Variants in CTNNA2 observed in about 807,000 individuals in gnomAD.
CTNNA2 encodes catenin alpha 2, also known as catenin alpha-2.
CTNNA2 carries 42 observed loss-of-function variants against 101.0 expected under a neutral mutation model. The ratio of observed to expected loss-of-function variants is 0.42; its 90% CI spans 0.32 to 0.54. CTNNA2 has a LOEUF of 0.54. CTNNA2 is among the 20% of genes least tolerant of loss of function. The probability of loss-of-function intolerance (pLI) is 0.14; values close to 1 mark genes in which losing one functional copy is unlikely to be tolerated. For synonymous variants in CTNNA2, 450 were observed against 456.4 expected (o/e 0.99, Z 0.18); for missense variants, 871 against 1,223.1 (o/e 0.71, Z 4.29).
intron 7 of CTNNA2, among the ~76,000 whole-genome samples, chr2:80,077,090 A>G (rs553604693): frequency 7.9e-4 from 121 of 152,236 alleles, no homozygotes; most frequent in Non-Finnish European, 1.4e-3. Flanking sequence ...TAACATGACT[A>G]AAGTTAAAAA....
intron 3 of CTNNA2, among the ~76,000 whole-genome samples, chr2:79,366,955 G>T (rs1281051187): frequency 1.3e-5 from 2 of 152,180 alleles, no homozygotes; most frequent in Admixed American, 1.3e-4. Context: ...TCTTGTTATT[G>T]AACAAAAGGT....
intron 4 of CTNNA2, among the ~76,000 whole-genome samples, chr2:79,439,341 A>G (rs151278144): frequency 6.6e-6 from 1 of 152,322 alleles, no homozygotes; most frequent in East Asian, 1.9e-4. Flanking sequence ...GTATGATTTC[A>G]TTTCTGTGAA....
intron 9 of CTNNA2, among the ~76,000 whole-genome samples, chr2:80,431,082 C>A (rs1349654935): frequency 2.0e-5 from 3 of 152,146 alleles, no homozygotes; most frequent in African/African-American, 7.2e-5. Flanking sequence ...TCAATTTCTT[C>A]TAACTCTGAG....
At chr2:79,634,806 T>C (rs1573529532) in intron 1 of CTNNA2, 1 of 152,326 alleles carries the variant, frequency 6.6e-6, no homozygotes, top group South Asian at 2.1e-4. Context: ...AATGGGAGAA[T>C]ATGGGATGTC....
chr2:80,585,688 G>A (rs1383697809), intron 14 of CTNNA2, among the ~76,000 whole-genome samples: 1 of 152,092 alleles, frequency 6.6e-6, no homozygotes, highest in Non-Finnish European at 1.5e-5. Flanking sequence ...ATTTCAAACT[G>A]CTGAGTTACA....
At chr2:80,557,652 T>C (rs1383246852) in intron 12 of CTNNA2, among the ~76,000 whole-genome samples, 2 of 152,216 alleles carry the variant, frequency 1.3e-5, no homozygotes, top group African/African-American at 4.8e-5. Context: ...TGTGACTTTC[T>C]ACCCACAGAT....
chr2:79,469,455 G>A (rs1337773880), intron 4 of CTNNA2, among the ~76,000 whole-genome samples: 7 of 152,186 alleles, frequency 4.6e-5, no homozygotes, highest in Admixed American at 4.6e-4. Flanking sequence ...GAGGTACAAG[G>A]AGGAGCTGGT....
rs2276661 is a variant in CTNNA2, at chr2:80,574,399, T to A, written c.1893+85T>A. On this transcript the variant is annotated intron_variant, in intron 13 of 18. Transcript: ENST00000402739. ...TAACTGTCTTATTTATTATTTATTTTGTAATTACTGAGTTTAACTTGGTAA... is the reference window on the plus strand; with the variant it reads ...TAACTGTCTTATTTATTATTTATTTAGTAATTACTGAGTTTAACTTGGTAA... The A allele has an allele frequency of 2.8e-6, 4 of 1,407,502 alleles. No individual in the cohort carries two copies. The African/African-American group carries it at 4.3e-5, about 15-fold the overall frequency. 87.2% of individuals were successfully genotyped at this position (1,407,502 alleles called of 1,614,324 possible).
chr2:79,207,146 C>A (rs7608247), intron 2 of CTNNA2, among the ~76,000 whole-genome samples: 90,900 of 152,054 alleles, frequency 0.6, 29,171 homozygotes, highest in African/African-American at 0.84. Flanking sequence ...ACAAAATGGT[C>A]AGAAATTATT....
At chr2:80,328,477 A>C in intron 7 of CTNNA2, 1 of 438,842 alleles carries the variant, frequency 2.3e-6, no homozygotes, top group Non-Finnish European at 4.8e-6. Context: ...TGGAGCAGTC[A>C]TCTGGAGCAG....
chr2:79,853,345 G>A (rs1385754488), intron 3 of CTNNA2, among the ~76,000 whole-genome samples: 2 of 152,094 alleles, frequency 1.3e-5, no homozygotes, highest in Non-Finnish European at 2.9e-5. Flanking sequence ...GTCTCACTAG[G>A]TTGACCAGGC....
Position 79,471,167 on chromosome 2 carries a change from C to T in CTNNA2, c.-134-33887C>T, listed in dbSNP as rs111389576. On this transcript the variant is annotated intron_variant, in intron 4 of 21. Transcript: ENST00000466387. ...CCTAGCCTTCTTCACATGGCAGACT[C>T]GTCCACATTTATCTAAATCAGGTTC... Among the ~76,000 whole-genome samples, 731 of 152,224 alleles carry T rather than the reference C, an allele frequency of 4.8e-3. 7 individuals are homozygous for T. Among genetic ancestry groups the T allele is most frequent in the African/African-American group, 0.016 (667 of 41,554 alleles).
At chr2:79,687,362 T>C (rs1684000565) in intron 2 of CTNNA2, among the ~76,000 whole-genome samples, 1 of 151,906 alleles carries the variant, frequency 6.6e-6, no homozygotes, top group South Asian at 2.1e-4. Context: ...CAAAAGAAAA[T>C]TTGAGTTAAG....
chr2:79,595,554 GA>G (rs1210308899), intron 1 of CTNNA2, among the ~76,000 whole-genome samples: 1 of 152,070 alleles, frequency 6.6e-6, no homozygotes, highest in Admixed American at 6.5e-5. Flanking sequence ...AGCCCAGGGC[GA>G]AAACCAGGTA....
chr2:80,439,744 A>G (rs1457626222), intron 9 of CTNNA2, among the ~76,000 whole-genome samples: 2 of 152,062 alleles, frequency 1.3e-5, no homozygotes, highest in Non-Finnish European at 1.5e-5. Flanking sequence ...GTATGGTTTT[A>G]TATTATTTGA....
intron 2 of CTNNA2, 116 bp from the exon 3 acceptor site, chr2:79,744,271 A>G (rs1671489231): frequency 1.0e-6 from 1 of 997,070 alleles, no homozygotes; most frequent in African/African-American, 1.6e-5. Flanking sequence ...TGCATTCATG[A>G]TTTAGTATTG....
At chr2:79,849,297 T>TC (rs1417968769) in intron 3 of CTNNA2, among the ~76,000 whole-genome samples, 1 of 152,008 alleles carries the variant, frequency 6.6e-6, no homozygotes, top group Non-Finnish European at 1.5e-5. Context: ...TAGGGTTTTT[T>TC]TTTTTTTTAA....
chr2:80,590,268 A>G (rs1208611150), intron 15 of CTNNA2, among the ~76,000 whole-genome samples: 1 of 152,160 alleles, frequency 6.6e-6, no homozygotes, highest in Non-Finnish European at 1.5e-5. Context: ...CTGAATTTTG[A>G]GTCAGAATAT....
chr2:79,475,155 AT>A (rs1011956574), intron 4 of CTNNA2, among the ~76,000 whole-genome samples: 57 of 148,768 alleles, frequency 3.8e-4, no homozygotes, highest in Non-Finnish European at 4.9e-4. Flanking sequence ...GCTCCCCATA[AT>A]TTTTTTTTTT....
Sources: allele counts gnomAD v4.1 joint callset (sites outside exome capture counted in the v4.1 genomes callset), GRCh38; gene constraint gnomAD v4.1.1; transcripts MANE v1.5; gene names NCBI Gene and HGNC (gene_info 2026-07-23, HGNC 2026-07-21).